The following GOLGA5 variants were observed in gnomAD, a reference collection of about 807,000 sequenced individuals.
GOLGA5 encodes golgin subfamily A member 5.
GOLGA5 carries 50 observed loss-of-function variants against 93.5 expected under a neutral mutation model. That is an observed-to-expected ratio of 0.53 (90% CI 0.43 to 0.68). The LOEUF (loss-of-function observed/expected upper bound fraction) is 0.68, where lower values mean the gene tolerates loss of function less well. Among genes scored for constraint, GOLGA5 ranks in the 30% least tolerant of loss-of-function variants. GOLGA5 has a pLI of 0.00. For synonymous variants in GOLGA5, 312 were observed against 304.5 expected, an observed-to-expected ratio of 1.02 and a Z score of -0.26; for missense variants, 760 against 856.4, an observed-to-expected ratio of 0.89 and a Z score of 1.40.
intron 9 of GOLGA5, among the ~76,000 whole-genome samples, chr14:92,828,811 G>A (rs942781265): frequency 2.0e-5 from 3 of 151,954 alleles, no homozygotes; most frequent in Non-Finnish European, 4.4e-5. Flanking sequence ...TGGGATTACA[G>A]GTGCATGCCA....
chr14:92,803,211 A>G (rs932426286), intron 2 of GOLGA5, among the ~76,000 whole-genome samples: 3 of 151,802 alleles, frequency 2.0e-5, no homozygotes, highest in Non-Finnish European at 4.4e-5. Context: ...AATTTTGTTC[A>G]TTTTTTGTAG....
chr14:92,820,405 C>T (rs969889294), intron 8 of GOLGA5, among the ~76,000 whole-genome samples: 1 of 152,214 alleles, frequency 6.6e-6, no homozygotes, highest in Non-Finnish European at 1.5e-5. Flanking sequence ...AGTCACAGGG[C>T]GGTTTTTCTC....
rs139926980 is a variant in GOLGA5 at position 92,819,281 on chromosome 14, C to T, written c.1492-427C>T. 1.1e-4 allele frequency among the ~76,000 whole-genome samples: 17 copies of T among 152,254 alleles called. No homozygotes were observed. In the East Asian group the frequency reaches 3.3e-3, roughly 29 times the overall value. On this transcript the variant is annotated intron_variant, in intron 7 of 12. Coordinates refer to ENST00000163416, the MANE Select transcript of GOLGA5 (RefSeq NM_005113.4). ...CAATGAAGGTGTCAGGTTATATGCT[C>T]CCTATAGGCTGAAACCATGTCTCAT...
chr14:92,808,227 A>G (rs1181264826), intron 3 of GOLGA5, among the ~76,000 whole-genome samples: 1 of 151,966 alleles, frequency 6.6e-6, no homozygotes, highest in Admixed American at 6.6e-5. Flanking sequence ...AGCCTGAGCT[A>G]CAGAGCGAGA....
At chr14:92,798,752 C>G (rs566770827) in intron 2 of GOLGA5, among the ~76,000 whole-genome samples, 2 of 152,214 alleles carry the variant, frequency 1.3e-5, no homozygotes, top group African/African-American at 4.8e-5. Flanking sequence ...TTTGTCTCTA[C>G]AAAAAATACA....
intron 7 of GOLGA5, among the ~76,000 whole-genome samples, chr14:92,816,957 A>G (rs964876473): frequency 7.0e-6 from 1 of 142,880 alleles, no homozygotes. Flanking sequence ...TTTTTTTGAG[A>G]TGGAGTCTCG....
chr14:92,809,175 G>A (rs574697027), intron 3 of GOLGA5, 125 bp from the exon 4 acceptor site: 1 of 630,604 alleles, frequency 1.6e-6, no homozygotes, highest in South Asian at 2.0e-5. Context: ...GAAAATTGAA[G>A]ACGTGTAAGT....
rs952143230 is a variant in GOLGA5, at chr14:92,826,099, G to T, written c.1719+1455G>T. 4.6e-5 allele frequency among the ~76,000 whole-genome samples: 7 copies of T among 152,298 alleles called. No individual in the cohort carries two copies. In the East Asian group the frequency reaches 5.8e-4, roughly 13 times the overall value. On this transcript the variant is annotated intron_variant, in intron 9 of 12. Transcript: ENST00000163416. ...GAGCCTAGGAGTTCAAGGCTGCAGT[G>T]AGCTATGATCACCCCGCTGTACTCT...
At chr14:92,813,294 C>T (rs994714569) in intron 6 of GOLGA5, among the ~76,000 whole-genome samples, 6 of 152,152 alleles carry the variant, frequency 3.9e-5, no homozygotes, top group African/African-American at 1.4e-4. Flanking sequence ...AAAGATGTGT[C>T]CTCTTCCTTT....
chr14:92,799,201 G>A (rs904579219), intron 2 of GOLGA5, among the ~76,000 whole-genome samples: 1 of 151,792 alleles, frequency 6.6e-6, no homozygotes, highest in African/African-American at 2.4e-5. Context: ...TTGAGCTCAA[G>A]TGATCCTCCT....
At chr14:92,799,536 G>A (rs1446585686) in intron 2 of GOLGA5, among the ~76,000 whole-genome samples, 9 of 149,748 alleles carry the variant, frequency 6.0e-5, no homozygotes, top group African/African-American at 2.2e-4. Context: ...CGCCCGCCTC[G>A]GCCTCCCAAA....
intron 11 of GOLGA5, among the ~76,000 whole-genome samples, chr14:92,836,515 GGGGT>G (rs1885644607): frequency 6.6e-6 from 1 of 152,116 alleles, no homozygotes; most frequent in Admixed American, 6.5e-5. Flanking sequence ...GAAGCAGAAA[GGGGT>G]ATTGCTTCTG....
chr14:92,825,443 C>T (rs929832804), intron 9 of GOLGA5, among the ~76,000 whole-genome samples: 1 of 152,276 alleles, frequency 6.6e-6, no homozygotes, highest in Non-Finnish European at 1.5e-5. Flanking sequence ...CAGATGGTCA[C>T]GTGATGTGCT....
chr14:92,805,808 A>T (rs533387319), intron 2 of GOLGA5, among the ~76,000 whole-genome samples: 1 of 152,166 alleles, frequency 6.6e-6, no homozygotes, highest in South Asian at 2.1e-4. Context: ...TTACCCATAT[A>T]CTGATTGTTT....
chr14:92,813,088 CT>C (rs1375198396), intron 6 of GOLGA5, among the ~76,000 whole-genome samples: 3 of 152,060 alleles, frequency 2.0e-5, no homozygotes, highest in African/African-American at 7.2e-5. Flanking sequence ...TTGACTTTAC[CT>C]TTTTTCTTTA....
At chr14:92,808,356 C>T (rs1266879273) in intron 3 of GOLGA5, among the ~76,000 whole-genome samples, 1 of 151,900 alleles carries the variant, frequency 6.6e-6, no homozygotes, top group Non-Finnish European at 1.5e-5. Flanking sequence ...GCTGTTTGGC[C>T]AGGCACAGTG....
At position 92,833,184 on chromosome 14, in the gene GOLGA5, A is replaced by C. The variant is rs1337699017; in HGVS notation, c.1782A>C (p.Leu594=). 1.9e-6 allele frequency: 3 copies of C among 1,613,338 alleles called. No individual in the cohort carries two copies. The highest frequency in any genetic ancestry group is 1.3e-5 in the African/African-American group (1 of 74,888). Residue 594 remains leucine, a synonymous_variant, in exon 10 of 13, where the codon CTA becomes CTC. Transcript: ENST00000163416. ...AGTTAGAAAATCGACTCCATCAGCT[A>C]ACAGAGACTCTCATCCAGAAACAGA... ...QSELENRLHQ[L]TETLIQKQTM... is the part of the protein sequence containing the mutation.
Position 92,797,602 on chromosome 14 carries a change from G to T in GOLGA5, c.165G>T (p.Gln55His). 1 of 1,613,548 alleles carries T rather than the reference G, an allele frequency of 6.2e-7. No homozygotes were observed. Among genetic ancestry groups the T allele is most frequent in the East Asian group, 2.2e-5 (1 of 44,884 alleles). The part of the protein sequence containing the change: ...LHQQNTDLIY[Q>H]TGPKSTYISS... ...AGCAAAATACAGATTTGATATATCA[G>T]ACTGGACCTAAATCTACGTATATTT... Residue 55 changes from glutamine (Q) to histidine (H), a missense_variant, in exon 2 of 13, where the codon CAG becomes CAT. Gln to His is a conservative substitution (Grantham distance 24, BLOSUM62 0). Coordinates refer to ENST00000163416, the MANE Select transcript of GOLGA5 (RefSeq NM_005113.4).
rs1347023174 is a variant in GOLGA5 at position 92,797,860 on chromosome 14, A to T, written c.423A>T (p.Arg141Ser). 1 of 1,613,932 alleles carries T rather than the reference A, an allele frequency of 6.2e-7. No individual in the cohort carries two copies. Among genetic ancestry groups the T allele is most frequent in the Non-Finnish European group, 8.5e-7 (1 of 1,179,798 alleles). The change falls in exon 2 of 13, where the codon AGA (arginine) becomes AGT (serine). Residue 141 changes from arginine to serine, a missense_variant. Arg to Ser is a moderately radical substitution (Grantham distance 110, BLOSUM62 -1). Coordinates refer to ENST00000163416, the MANE Select transcript of GOLGA5 (RefSeq NM_005113.4). The stretch of plus-strand genomic sequence containing the variant: ...AGCCTACCGGGAGGGTGGAAATCAG[A>T]AAGGAAAAAGGCAAGACACCTGTCT... ...QKEPTGRVEIRKEKGKTPVFQ... is the reference protein window; with the variant it reads ...QKEPTGRVEISKEKGKTPVFQ...
Sources: gnomAD v4.1 joint callset for allele counts (sites outside exome capture counted in the v4.1 genomes callset) on GRCh38, gnomAD v4.1.1 for gene constraint, MANE v1.5 for transcripts, NCBI Gene and HGNC (gene_info 2026-07-23, HGNC 2026-07-21) for gene names.